The following CSGALNACT1 variants were observed in gnomAD, a reference collection of about 807,000 sequenced individuals.
CSGALNACT1 encodes the protein chondroitin sulfate N-acetylgalactosaminyltransferase 1, also known as beta4GalNAcT-1.
In CSGALNACT1, 52 loss-of-function variants were observed where a neutral mutation model predicts 51.0. The ratio of observed to expected loss-of-function variants is 1.02; its 90% CI spans 0.82 to 1.29. The LOEUF is 1.29. CSGALNACT1 is among the 50% of genes most tolerant of loss of function. The pLI, the probability that CSGALNACT1 is intolerant of heterozygous loss-of-function variation, is 0.00. For synonymous variants in CSGALNACT1, 341 were observed against 254.4 expected (o/e 1.34, Z -3.24); for missense variants, 935 against 679.2 (o/e 1.38, Z -4.19).
At chr8:19,718,297 G>C (rs1589675452) in intron 1 of CSGALNACT1, among the ~76,000 whole-genome samples, 1 of 151,980 alleles carries the variant, frequency 6.6e-6, no homozygotes, top group African/African-American at 2.4e-5. Context: ...AGATGGGGTT[G>C]TACCATGTTG....
At chr8:19,746,357 T>C (rs766181708) in intron 1 of CSGALNACT1, among the ~76,000 whole-genome samples, 1 of 152,126 alleles carries the variant, frequency 6.6e-6, no homozygotes, top group African/African-American at 2.4e-5. Context: ...TGGTAGTTCA[T>C]TATTATAAGG....
rs1182584762 is a variant in CSGALNACT1 at position 19,571,478 on chromosome 8, A to C, written c.-297+19682T>G. ...CACCAAAACAAAAACAAAAACAAAA[A>C]AAAAAAACAGAACCAGGGAAAGAGT... On this transcript the variant is annotated intron_variant, in intron 3 of 9. Transcript: ENST00000454498. Among the ~76,000 whole-genome samples, 10 of 152,090 alleles carry C rather than the reference A, an allele frequency of 6.6e-5. No individual in the cohort carries two copies. In the East Asian group the frequency reaches 1.2e-3, roughly 18 times the overall value.
chr8:19,451,710 T>C (rs1292185928), intron 5 of CSGALNACT1, among the ~76,000 whole-genome samples: 6 of 152,120 alleles, frequency 3.9e-5, no homozygotes, highest in Admixed American at 1.3e-4. Context: ...TCCACATCTC[T>C]TCCTTCTGTC....
At chr8:19,703,340 G>C (rs2154220606) in intron 1 of CSGALNACT1, among the ~76,000 whole-genome samples, 1 of 152,244 alleles carries the variant, frequency 6.6e-6, no homozygotes, top group Non-Finnish European at 1.5e-5. Flanking sequence ...ATCTCACTCT[G>C]TCACCCAGGC....
At chr8:19,500,254 A>C (rs146372508) in intron 4 of CSGALNACT1, among the ~76,000 whole-genome samples, 17 of 152,198 alleles carry the variant, frequency 1.1e-4, no homozygotes, top group African/African-American at 4.1e-4. Flanking sequence ...TCTGGCTCAG[A>C]GTTCCCAAGC....
upstream of CSGALNACT1, among the ~76,000 whole-genome samples, chr8:19,606,058 T>C (rs1190100197): frequency 6.6e-6 from 1 of 152,194 alleles, no homozygotes; most frequent in Non-Finnish European, 1.5e-5. Context: ...TTTAAAACTT[T>C]AAATCTTTAG....
At chr8:19,566,369 A>C (rs956979905) in intron 3 of CSGALNACT1, among the ~76,000 whole-genome samples, 2 of 152,176 alleles carry the variant, frequency 1.3e-5, no homozygotes, top group Non-Finnish European at 2.9e-5. Flanking sequence ...CCCTGCTGAC[A>C]ACTTCATTTG....
At chr8:19,466,189 A>G (rs1230789650) in intron 4 of CSGALNACT1, among the ~76,000 whole-genome samples, 1 of 152,228 alleles carries the variant, frequency 6.6e-6, no homozygotes, top group African/African-American at 2.4e-5. Context: ...ATTTGGGAAA[A>G]GAAAATCTGT....
At chr8:19,618,909 G>C (rs769593281) in intron 1 of CSGALNACT1, among the ~76,000 whole-genome samples, 1 of 152,106 alleles carries the variant, frequency 6.6e-6, no homozygotes, top group Non-Finnish European at 1.5e-5. Flanking sequence ...CGCTGTAAGA[G>C]AAGAGAAATT....
At chr8:19,692,806 T>A (rs1171131870) in intron 1 of CSGALNACT1, among the ~76,000 whole-genome samples, 6 of 151,754 alleles carry the variant, frequency 4.0e-5, no homozygotes, top group Admixed American at 1.3e-4. Context: ...AAAAAAAGAG[T>A]GCCTAGATCC....
intron 5 of CSGALNACT1, 63 bp from the exon 5 acceptor site, chr8:19,439,994 C>G (rs2061046034): frequency 7.3e-7 from 1 of 1,368,596 alleles, no homozygotes; most frequent in African/African-American, 1.4e-5. Flanking sequence ...CAGCACAAAC[C>G]AATACCTTTT....
intron 1 of CSGALNACT1, among the ~76,000 whole-genome samples, chr8:19,633,328 C>G (rs1376931472): frequency 6.6e-6 from 1 of 152,012 alleles, no homozygotes; most frequent in East Asian, 1.9e-4. Context: ...GCTTGACAAC[C>G]ATACTACTCT....
chr8:19,405,332 G>A (rs2053934676), exon 10 of CSGALNACT1: 1 of 454,568 alleles, frequency 2.2e-6, no homozygotes, highest in Admixed American at 2.4e-5. Flanking sequence ...CTCCTCTCCT[G>A]CCTTCTGATA....
intron 1 of CSGALNACT1, among the ~76,000 whole-genome samples, chr8:19,629,928 C>A (rs964460530): frequency 6.6e-6 from 1 of 151,962 alleles, no homozygotes; most frequent in Admixed American, 6.6e-5. Context: ...TCTGAGACGC[C>A]CAGTAGGCCA....
chr8:19,409,311 C>T (rs562270339), intron 8 of CSGALNACT1, among the ~76,000 whole-genome samples: 1 of 152,198 alleles, frequency 6.6e-6, no homozygotes, highest in Non-Finnish European at 1.5e-5. Flanking sequence ...AAGAAAGACT[C>T]TGTCCATTCA....
intron 1 of CSGALNACT1, among the ~76,000 whole-genome samples, chr8:19,723,163 G>C (rs1589700112): frequency 1.3e-5 from 2 of 152,166 alleles, no homozygotes; most frequent in African/African-American, 4.8e-5. Context: ...CTGGCCCAAA[G>C]ACCCAACGGA....
intron 2 of CSGALNACT1, among the ~76,000 whole-genome samples, chr8:19,598,531 T>C (rs1241963750): frequency 6.6e-6 from 1 of 152,132 alleles, no homozygotes; most frequent in Non-Finnish European, 1.5e-5. Flanking sequence ...TACATTAGAG[T>C]TTTATATTAT....
At chr8:19,610,243 T>C (rs2052028342) in intron 1 of CSGALNACT1, among the ~76,000 whole-genome samples, 1 of 141,864 alleles carries the variant, frequency 7.0e-6, no homozygotes, top group Non-Finnish European at 1.5e-5. Context: ...TGAGCCAAAA[T>C]TGTGCCACTG....
At chr8:19,593,435 T>A (rs2048253803) in intron 2 of CSGALNACT1, among the ~76,000 whole-genome samples, 1 of 152,222 alleles carries the variant, frequency 6.6e-6, no homozygotes, top group Admixed American at 6.5e-5. Context: ...CCTCAAATGA[T>A]TCTGCTCTGT....
Sources: allele counts gnomAD v4.1 joint callset (sites outside exome capture counted in the v4.1 genomes callset), GRCh38; gene constraint gnomAD v4.1.1; transcripts MANE v1.5; gene names NCBI Gene and HGNC (gene_info 2026-07-23, HGNC 2026-07-21).